SPOP: variants seen among roughly 807,000 people sequenced by gnomAD.
The protein encoded by SPOP is speckle type BTB/POZ protein, also known as speckle-type POZ protein.
Under a neutral mutation model 45.6 loss-of-function variants are expected in SPOP, and 11 were observed. That is an observed-to-expected ratio of 0.24 (90% confidence interval 0.15 to 0.40). The LOEUF (loss-of-function observed/expected upper bound fraction) is 0.40. Ranked by LOEUF, SPOP falls within the 10% of genes least tolerant of loss-of-function variation. The pLI, the probability that SPOP is intolerant of heterozygous loss-of-function variation, is 1.00. For missense variants in SPOP, 152 were observed against 465.6 expected, an observed-to-expected ratio of 0.33 and a Z score of 6.20; for synonymous variants, 166 against 166.3, an observed-to-expected ratio of 1.00 and a Z score of 0.01.
At chr17:49,632,774 G>A (rs983282975) in intron 1 of SPOP, among the ~76,000 whole-genome samples, 1 of 152,078 alleles carries the variant, frequency 6.6e-6, no homozygotes, top group African/African-American at 2.4e-5. Context: ...CTTGCCTCAA[G>A]TTAAATACTA....
At chr17:49,652,556 C>T (rs1340304378) in intron 1 of SPOP, among the ~76,000 whole-genome samples, 3 of 152,150 alleles carry the variant, frequency 2.0e-5, no homozygotes, top group Non-Finnish European at 2.9e-5. Context: ...AAGAGTTTCT[C>T]TTCAGTACAT....
At chr17:49,624,309 ACACACACACACGCGCGCGCGCG>A (rs2072278984) in intron 1 of SPOP, among the ~76,000 whole-genome samples, 1 of 122,662 alleles carries the variant, frequency 8.2e-6, no homozygotes. Flanking sequence ...CTACGCGGGA[ACACACACACACGCGCGCGCGCG>A]CACACACACA....
intron 1 of SPOP, among the ~76,000 whole-genome samples, chr17:49,662,965 C>T (rs1353853710): frequency 1.3e-5 from 2 of 152,172 alleles, no homozygotes; most frequent in Non-Finnish European, 2.9e-5. Flanking sequence ...TCTGTGAAGG[C>T]AACATTATTT....
chr17:49,612,470 A>G (rs1243554847), intron 5 of SPOP, among the ~76,000 whole-genome samples: 1 of 152,200 alleles, frequency 6.6e-6, no homozygotes, highest in Non-Finnish European at 1.5e-5. Context: ...TTTGGAAGAT[A>G]ATGATGACAA....
chr17:49,633,889 A>T (rs2072496423), intron 1 of SPOP, among the ~76,000 whole-genome samples: 1 of 152,140 alleles, frequency 6.6e-6, no homozygotes, highest in African/African-American at 2.4e-5. Context: ...ATTTGGATGG[A>T]GGATCCAGCA....
intron 1 of SPOP, among the ~76,000 whole-genome samples, chr17:49,651,390 A>G (rs187788385): frequency 6.6e-6 from 1 of 152,316 alleles, no homozygotes; most frequent in East Asian, 1.9e-4. Context: ...AAGCTACTCA[A>G]TTCCACTGCT....
intron 1 of SPOP, among the ~76,000 whole-genome samples, chr17:49,623,182 A>AT (rs1304887160): frequency 1.3e-5 from 2 of 152,014 alleles, no homozygotes; most frequent in African/African-American, 4.8e-5. Context: ...CTAATTGTGT[A>AT]TTTTTAGCAG....
intron 5 of SPOP, among the ~76,000 whole-genome samples, chr17:49,612,520 A>G (rs1287681560): frequency 6.6e-6 from 1 of 152,244 alleles, no homozygotes; most frequent in East Asian, 1.9e-4. Context: ...CTATGGCTTC[A>G]GCAGAAGCAT....
intron 1 of SPOP, among the ~76,000 whole-genome samples, chr17:49,627,907 G>A (rs896517692): frequency 2.0e-5 from 3 of 152,106 alleles, no homozygotes; most frequent in African/African-American, 7.2e-5. Context: ...CAAACAACCT[G>A]CTGGAAAGGA....
chr17:49,616,099 C>A (rs1214173164), intron 5 of SPOP, among the ~76,000 whole-genome samples: 1 of 152,276 alleles, frequency 6.6e-6, no homozygotes, highest in South Asian at 2.1e-4. Context: ...CCTGAACACG[C>A]CTGATTTTGT....
chr17:49,610,672 T>C (rs1567772801), intron 6 of SPOP, among the ~76,000 whole-genome samples: 1 of 152,184 alleles, frequency 6.6e-6, no homozygotes, highest in African/African-American at 2.4e-5. Flanking sequence ...TCACACAATT[T>C]CCTGTTAGGT....
rs557518357 is a variant in SPOP, at chr17:49,654,164, C to T, written c.-67+23769G>A. On this transcript the variant is annotated intron_variant, in intron 1 of 9. Transcript: ENST00000504102. ...GACAAAGGATACCTATTAATGCAGC[C>T]ATTATCCCCCAATTAAATAGGACAG... 3.9e-5 allele frequency among the ~76,000 whole-genome samples: 6 copies of T among 152,306 alleles called. No homozygotes were observed. The South Asian group carries it at 1.2e-3, about 32-fold the overall frequency.
intron 8 of SPOP, among the ~76,000 whole-genome samples, chr17:49,603,347 G>C (rs2071775304): frequency 6.6e-6 from 1 of 152,206 alleles, no homozygotes; most frequent in East Asian, 1.9e-4. Flanking sequence ...CTGCCCAGAC[G>C]ATTCCTCTTA....
At chr17:49,622,964 T>C in intron 1 of SPOP, 88 bp from the exon 2 acceptor site, 1 of 635,694 alleles carries the variant, frequency 1.6e-6, no homozygotes. Context: ...GCTGGAAATT[T>C]TGTCTCCACA....
intron 1 of SPOP, among the ~76,000 whole-genome samples, chr17:49,663,941 T>C (rs1389917523): frequency 6.6e-6 from 1 of 152,206 alleles, no homozygotes; most frequent in African/African-American, 2.4e-5. Context: ...GGTGGTGATA[T>C]AACTAATGTG....
At chr17:49,673,975 C>T (rs1016129641) in intron 1 of SPOP, among the ~76,000 whole-genome samples, 5 of 151,944 alleles carry the variant, frequency 3.3e-5, no homozygotes, top group Non-Finnish European at 5.9e-5. Flanking sequence ...GGAGAAATCC[C>T]GTCTCTACTA....
rs1056008181 is a variant in SPOP, at chr17:49,600,713, G to A, written c.981-191C>T. The A allele has an allele frequency of 4.9e-5, 30 of 611,770 alleles. No individual in the cohort carries two copies. The East Asian group carries it at 6.8e-4, about 14-fold the overall frequency. The allele number at this position is 611,770 out of a possible 1,614,324, so 37.9% of individuals were successfully genotyped here. The stretch of plus-strand genomic sequence containing the variant: ...GACTGGTGACTTGCCTGTGGCTGTC[G>A]TCATCTGAAAACCAAGACTTTGAGC... On this transcript the variant is annotated intron_variant, in intron 9 of 9. Transcript: ENST00000504102. This position sits in a 1 kb window ranked among gnomAD's most constrained non-coding sequence, Gnocchi z 4.2.
intron 3 of SPOP, among the ~76,000 whole-genome samples, chr17:49,621,351 G>C (rs1361905170): frequency 6.6e-6 from 1 of 152,220 alleles, no homozygotes; most frequent in Non-Finnish European, 1.5e-5. Context: ...AGAGCGTGGA[G>C]AACAGGGCCA....
At chr17:49,664,008 A>G (rs757550066) in intron 1 of SPOP, among the ~76,000 whole-genome samples, 5 of 152,250 alleles carry the variant, frequency 3.3e-5, no homozygotes, top group Non-Finnish European at 7.3e-5. Flanking sequence ...GCTTAACTCA[A>G]TTAACAAGTA....
Sources: gnomAD v4.1 joint callset for allele counts (sites outside exome capture counted in the v4.1 genomes callset) on GRCh38, gnomAD v4.1.1 for gene constraint, Gnocchi (gnomAD v3.1) non-coding constraint, MANE v1.5 for transcripts, NCBI Gene and HGNC (gene_info 2026-07-23, HGNC 2026-07-21) for gene names.